SYN1: variants seen among roughly 807,000 people sequenced by gnomAD.
SYN1 encodes the protein synapsin I, also known as synapsin-1.
SYN1 carries 8 observed loss-of-function variants against 44.6 expected under a neutral mutation model. The ratio of observed to expected loss-of-function variants is 0.18; its 90% CI spans 0.11 to 0.32. SYN1 has a LOEUF of 0.32. SYN1 is among the 10% of genes least tolerant of loss of function. The pLI, the probability that SYN1 is intolerant of heterozygous loss-of-function variation, is 1.00. For missense variants in SYN1, 451 were observed against 639.4 expected, an observed-to-expected ratio of 0.71 and a Z score of 3.18; for synonymous variants, 275 against 280.1, an observed-to-expected ratio of 0.98 and a Z score of 0.18.
intron 5 of SYN1, among the ~76,000 whole-genome samples, chrX:47,579,664 G>A (rs1358787432): frequency 9.0e-6 from 1 of 111,491 alleles, no homozygotes; most frequent in East Asian, 2.8e-4. Context: ...TGCTGACTCA[G>A]GTTTCAAAGA....
intron 11 of SYN1, 31 bp downstream of exon 11, chrX:47,574,645 GCGGGCTGAGGGA>G (rs769212849): frequency 1.8e-6 from 2 of 1,138,407 alleles, no homozygotes; most frequent in South Asian, 3.8e-5. Context: ...GTAAGAGATG[GCGGGCTGAGGGA>G]GGGGACTGCG....
At position 47,619,824 on chromosome X, in the gene SYN1, C is replaced by A. The variant is rs766446885; in HGVS notation, c.-96G>T. The stretch of plus-strand genomic sequence containing the variant: ...CCAGGAGCACAGCTGCGCTCTCAGG[C>A]ACGACACGACTCCTCCGCTGCCCAC... On this transcript the variant is annotated 5_prime_UTR_variant, in exon 1 of 13. Transcript: ENST00000295987. The A allele has an allele frequency of 9.7e-6, 9 of 925,983 alleles. No homozygotes were observed. Among genetic ancestry groups the A allele is most frequent in the Non-Finnish European group, 1.3e-5 (9 of 682,976 alleles). The allele number at this position is 925,983 out of a possible 1,213,427, so 76.3% of individuals were successfully genotyped here.
intron 5 of SYN1, chrX:47,604,669 T>C (rs1247194111): frequency 3.6e-6 from 1 of 277,884 alleles, no homozygotes; most frequent in Admixed American, 5.6e-5. Flanking sequence ...ACTTAATTTC[T>C]ATATGTAATA....
intron 1 of SYN1, among the ~76,000 whole-genome samples, chrX:47,615,741 C>T (rs939877782): frequency 9.0e-6 from 1 of 110,994 alleles, no homozygotes; most frequent in Non-Finnish European, 1.9e-5. Context: ...CCCATCTCTA[C>T]GAAAAATACA....
intron 3 of SYN1, among the ~76,000 whole-genome samples, chrX:47,605,783 T>C (rs2057894871): frequency 9.0e-6 from 1 of 111,585 alleles, no homozygotes; most frequent in Non-Finnish European, 1.9e-5. Context: ...CTCCTTCACC[T>C]CCATCAGGTC....
At chrX:47,587,760 C>G (rs5906434) in intron 5 of SYN1, among the ~76,000 whole-genome samples, 31,059 of 110,218 alleles carry the variant, frequency 0.28, 3,533 homozygotes, top group South Asian at 0.47. Flanking sequence ...GGGGTCCAGT[C>G]CCTGGCTCCT....
At chrX:47,609,123 G>C (rs146421373) in intron 1 of SYN1, among the ~76,000 whole-genome samples, 56 of 110,709 alleles carry the variant, frequency 5.1e-4, no homozygotes, top group African/African-American at 1.8e-3. Flanking sequence ...CTGATGAGTG[G>C]GGATGATGAG....
At chrX:47,585,678 G>C in intron 5 of SYN1, 1 of 1,208,841 alleles carries the variant, frequency 8.3e-7, no homozygotes, top group Non-Finnish European at 1.1e-6. Flanking sequence ...GTGAGTGCCT[G>C]GACCCTGACC....
At chrX:47,581,126 T>C (rs2057796904) in intron 5 of SYN1, among the ~76,000 whole-genome samples, 1 of 111,284 alleles carries the variant, frequency 9.0e-6, no homozygotes, top group Non-Finnish European at 1.9e-5. Flanking sequence ...CCATAAGGGC[T>C]GCTGGTAGTT....
chrX:47,607,975 A>C (rs1323161868), intron 1 of SYN1, among the ~76,000 whole-genome samples: 1 of 109,856 alleles, frequency 9.1e-6, no homozygotes, highest in Non-Finnish European at 1.9e-5. Flanking sequence ...AGTTGCAGTG[A>C]GCCAAAATGG....
intron 5 of SYN1, chrX:47,583,553 C>G: frequency 8.5e-7 from 1 of 1,181,615 alleles, no homozygotes; most frequent in Non-Finnish European, 1.1e-6. Context: ...CCTCACCCCA[C>G]TCAGCCCACA....
intron 5 of SYN1, among the ~76,000 whole-genome samples, chrX:47,592,053 T>C (rs1474964461): frequency 9.0e-6 from 1 of 111,653 alleles, no homozygotes; most frequent in Non-Finnish European, 1.9e-5. Context: ...ATTATAAAAG[T>C]TTCAGGCTGG....
At chrX:47,586,274 T>A in intron 5 of SYN1, 1 of 754,564 alleles carries the variant, frequency 1.3e-6, no homozygotes, top group Non-Finnish European at 1.6e-6. Context: ...ACAGGCGACC[T>A]GCCTGACTGA....
At chrX:47,574,987 T>G (rs764840615) in intron 10 of SYN1, 141 bp downstream of exon 10, 2 of 935,101 alleles carry the variant, frequency 2.1e-6, no homozygotes, top group African/African-American at 2.0e-5. Context: ...TATCAATGTT[T>G]TAAACAATTG....
intron 5 of SYN1, chrX:47,586,086 G>A: frequency 1.1e-6 from 1 of 946,226 alleles, no homozygotes; most frequent in Non-Finnish European, 1.3e-6. Flanking sequence ...GACACCAGAG[G>A]GTGTTACACT....
At chrX:47,604,079 G>A (rs1349090607) in intron 5 of SYN1, among the ~76,000 whole-genome samples, 1 of 106,098 alleles carries the variant, frequency 9.4e-6, no homozygotes, top group African/African-American at 3.4e-5. Context: ...GGCTAATTTT[G>A]TATTTTTTTA....
intron 5 of SYN1, chrX:47,590,346 C>G (rs1313030606): frequency 9.0e-6 from 1 of 111,406 alleles, no homozygotes; most frequent in Non-Finnish European, 1.9e-5. Flanking sequence ...TGTGTGGACT[C>G]CTCACCCTCA....
intron 5 of SYN1, chrX:47,585,372 C>A: frequency 4.1e-6 from 5 of 1,208,098 alleles, no homozygotes; most frequent in Non-Finnish European, 5.6e-6. Flanking sequence ...ACCAACCAGT[C>A]CCTGGGGCGC....
At chrX:47,602,222 G>C (rs990459908) in intron 5 of SYN1, among the ~76,000 whole-genome samples, 10 of 112,236 alleles carry the variant, frequency 8.9e-5, no homozygotes, top group Admixed American at 2.8e-4. Flanking sequence ...CTTTTCCTGT[G>C]TTAAGCAACT....
Sources: allele counts gnomAD v4.1 joint callset (sites outside exome capture counted in the v4.1 genomes callset), GRCh38; gene constraint gnomAD v4.1.1; transcripts MANE v1.5; gene names NCBI Gene and HGNC (gene_info 2026-07-23, HGNC 2026-07-21).